Variants in PLRG1 observed in about 807,000 individuals in gnomAD.
PLRG1 encodes pleiotropic regulator 1, also known as pleiotropic regulator 1 (PRL1 homolog, Arabidopsis).
A neutral mutation model predicts 74.9 loss-of-function variants in PLRG1; 28 were observed. The ratio of observed to expected loss-of-function variants is 0.37; its 90% CI spans 0.28 to 0.51. The LOEUF is 0.51. Ranked by LOEUF, PLRG1 falls within the 20% of genes least tolerant of loss-of-function variation. PLRG1 has a pLI of 0.91. For synonymous variants in PLRG1, 197 were observed against 212.4 expected, an observed-to-expected ratio of 0.93 and a Z score of 0.63; for missense variants, 445 against 631.9, an observed-to-expected ratio of 0.70 and a Z score of 3.17.
At chr4:154,540,197 AT>A (rs1729530261) in intron 10 of PLRG1, 144 bp from the exon 11 acceptor site, 7 of 607,694 alleles carry the variant, frequency 1.2e-5, no homozygotes, top group Non-Finnish European at 2.0e-5. Flanking sequence ...AAAGATAATG[AT>A]TTACAAACTG....
Position 154,540,444 on chromosome 4 carries a change from G to C in PLRG1, c.939+150C>G, listed in dbSNP as rs111786959. 2,436 of 623,686 alleles carry C rather than the reference G, an allele frequency of 3.9e-3. 11 individuals carry two copies. Among genetic ancestry groups the C allele is most frequent in the Non-Finnish European group, 6.1e-3 (2,160 of 352,066 alleles). 38.6% of individuals were successfully genotyped at this position (623,686 alleles called of 1,614,324 possible). A position where few individuals can be genotyped will look rare whatever the true frequency, so the allele number is the denominator to read the frequency against. ...ACTGAAGACTAAGGTGGAAAAAAATGCAAGTTAAGAAACTTAGGGACTAGG... is the reference window on the plus strand; with the variant it reads ...ACTGAAGACTAAGGTGGAAAAAAATCCAAGTTAAGAAACTTAGGGACTAGG... On this transcript the variant is annotated intron_variant, in intron 10 of 14. Transcript: ENST00000499023.
At position 154,545,827 on chromosome 4, in the gene PLRG1, A is replaced by C; in HGVS notation, c.492+9T>G. On this transcript the variant is annotated intron_variant, in intron 6 of 14. Transcript: ENST00000499023. ...TTAGAAACCTGCTATTTGATGCAGA[A>C]AAACTTACTGAATTCATCGCTGTAG... 1 of 1,565,546 alleles carries C rather than the reference A, an allele frequency of 6.4e-7. No individual in the cohort carries two copies. The highest frequency in any genetic ancestry group is 8.7e-7 in the Non-Finnish European group (1 of 1,144,942).
At chr4:154,537,865 TA>T in intron 13 of PLRG1, 103 bp downstream of exon 13, 1 of 656,076 alleles carries the variant, frequency 1.5e-6, no homozygotes, top group Admixed American at 2.7e-5. Context: ...CAAGTGCTGC[TA>T]TAATACTTAA....
chr4:154,550,384 C>CT lies in PLRG1; in HGVS notation c.-77_-76insA. Reference sequence around the variant, plus strand: ...CGCAGTACCCGCCGCCACAGCTGTGCAGCACCTTCCGGAATTGGGCGCCCA... The same window carrying CT: ...CGCAGTACCCGCCGCCACAGCTGTGCTAGCACCTTCCGGAATTGGGCGCCCA... On this transcript the variant is annotated 5_prime_UTR_variant, in exon 1 of 15. Transcript: ENST00000499023. 7.0e-7 allele frequency: 1 copy of CT among 1,422,152 alleles called. No individual in the cohort carries two copies. Among genetic ancestry groups the CT allele is most frequent in the Non-Finnish European group, 9.9e-7 (1 of 1,006,654 alleles). The allele number at this position is 1,422,152 out of a possible 1,614,324, so 88.1% of individuals were successfully genotyped here.
rs1729526451 is a variant in PLRG1 at position 154,539,988 on chromosome 4, T to C, written c.1005A>G (p.Thr335=). 3 of 1,599,994 alleles carry C rather than the reference T, an allele frequency of 1.9e-6. No individual in the cohort carries two copies. The East Asian group carries it at 6.7e-5, about 36-fold the overall frequency. Residue 335 remains threonine (T), a synonymous_variant, in exon 11 of 15, where the codon ACA becomes ACG. Transcript: ENST00000499023. ...TLSGHTNAVA[T]VRCQAAEPQI... is the part of the protein sequence containing the mutation. ...GTGGTTCTGCAGCCTGACATCTCAC[T>C]GTAGCAACTGCATTTGTATGTCCAG...
In PLRG1 at chr4:154,547,016, C is replaced by T; in HGVS notation, c.308G>A (p.Gly103Glu). 2 of 1,608,358 alleles carry T rather than the reference C, an allele frequency of 1.2e-6. No individual in the cohort carries two copies. The highest frequency in any genetic ancestry group is 1.1e-5 in the South Asian group (1 of 90,924). ...ATATATAACAGCTCACTAACCAGGT[C>T]CTGGTGGGTATGGATGTGTACCTGC... The part of the protein sequence containing the change: ...FVAGTHPYPP[G>E]PGVALTADTK... The change falls in exon 4 of 15, where the codon GGA (glycine) becomes GAA (glutamate). Residue 103 changes from glycine (G) to glutamate (E), a missense_variant. Coordinates refer to ENST00000499023, the MANE Select transcript of PLRG1 (RefSeq NM_002669.4).
chr4:154,549,964 G>C (rs1042185976), intron 1 of PLRG1, among the ~76,000 whole-genome samples: 8 of 152,210 alleles, frequency 5.3e-5, no homozygotes, highest in Non-Finnish European at 1.2e-4. Flanking sequence ...TTAGGGCACA[G>C]ACTCACTGAC....
At chr4:154,540,189 A>G in intron 10 of PLRG1, 136 bp from the exon 11 acceptor site, 1 of 614,852 alleles carries the variant, frequency 1.6e-6, no homozygotes, top group Non-Finnish European at 2.9e-6. Context: ...CTTAAGTGAA[A>G]GATAATGATT....
intron 6 of PLRG1, among the ~76,000 whole-genome samples, chr4:154,545,376 T>C (rs1358885354): frequency 1.3e-5 from 2 of 152,184 alleles, no homozygotes; most frequent in African/African-American, 4.8e-5. Context: ...ATTTCTACCA[T>C]ACTAATACCA....
chr4:154,549,763 T>A, intron 1 of PLRG1: 1 of 456,422 alleles, frequency 2.2e-6, no homozygotes, highest in Non-Finnish European at 4.4e-6. Flanking sequence ...TTGGTCTCAA[T>A]TAAGGTGGAC....
intron 1 of PLRG1, chr4:154,549,840 T>C: frequency 2.2e-6 from 1 of 452,120 alleles, no homozygotes; most frequent in Non-Finnish European, 4.4e-6. Context: ...CAAGACCAGC[T>C]AACAGCGTTG....
chr4:154,546,408 C>G, intron 4 of PLRG1, 195 bp from the exon 5 acceptor site: 1 of 560,162 alleles, frequency 1.8e-6, no homozygotes, highest in East Asian at 3.1e-5. Context: ...ACACGTAACT[C>G]AAATTTGATT....
intron 4 of PLRG1, chr4:154,546,572 C>T (rs1729659855): frequency 3.4e-6 from 1 of 290,654 alleles, no homozygotes; most frequent in Non-Finnish European, 6.5e-6. Context: ...CTAGAAACAC[C>T]CAATTTCCCT....
intron 12 of PLRG1, 55 bp from the exon 13 acceptor site, chr4:154,538,163 G>A: frequency 2.0e-6 from 2 of 998,088 alleles, no homozygotes; most frequent in East Asian, 2.6e-5. Flanking sequence ...AAATAAAGTG[G>A]TGGGTTTTAA....
Position 154,539,084 on chromosome 4 carries a change from TAATTAGGAA to T in PLRG1, c.1151+12_1151+20del. Reference sequence around the variant, plus strand: ...TAAGAACTGAAGAAAAACAAGAAGCTAATTAGGAAAATACACTTACTGTCTTGGATGTAA... The same window carrying T: ...TAAGAACTGAAGAAAAACAAGAAGCTAATACACTTACTGTCTTGGATGTAA... On this transcript the variant is annotated intron_variant, in intron 12 of 14. Coordinates refer to ENST00000499023, the MANE Select transcript of PLRG1 (RefSeq NM_002669.4). The T allele has an allele frequency of 7.6e-7, 1 of 1,323,472 alleles. No homozygotes were observed. The highest frequency in any genetic ancestry group is 2.3e-5 in the East Asian group (1 of 43,502). 82.0% of individuals were successfully genotyped at this position (1,323,472 alleles called of 1,614,324 possible).
In PLRG1 at chr4:154,550,382, T is replaced by TG. The variant is rs1729744291; in HGVS notation, c.-75dup. ...AACGCAGTACCCGCCGCCACAGCTG[T>TG]GCAGCACCTTCCGGAATTGGGCGCC... On this transcript the variant is annotated 5_prime_UTR_variant, in exon 1 of 15. Coordinates refer to ENST00000499023, the MANE Select transcript of PLRG1 (RefSeq NM_002669.4). 2.1e-6 allele frequency: 3 copies of TG among 1,427,094 alleles called. No individual in the cohort carries two copies. The African/African-American group carries it at 4.3e-5, about 20-fold the overall frequency. 88.4% of individuals were successfully genotyped at this position (1,427,094 alleles called of 1,614,324 possible).
At chr4:154,546,482 G>A in intron 4 of PLRG1, 3 of 398,752 alleles carry the variant, frequency 7.5e-6, no homozygotes, top group South Asian at 3.1e-5. Flanking sequence ...ATTATATTTG[G>A]GTATTAGTTT....
Position 154,535,594 on chromosome 4 carries a change from A to G in PLRG1, c.*1091T>C, listed in dbSNP as rs1014536153. On this transcript the variant is annotated 3_prime_UTR_variant, in exon 15 of 15. Coordinates refer to ENST00000499023, the MANE Select transcript of PLRG1 (RefSeq NM_002669.4). Reference sequence around the variant, plus strand: ...AAAATTTAAAAAATTGACTGTTCTTATAACTGTGTTTTCTAATTATAGAAG... The same window carrying G: ...AAAATTTAAAAAATTGACTGTTCTTGTAACTGTGTTTTCTAATTATAGAAG... 8 of 151,604 alleles carry G rather than the reference A, an allele frequency of 5.3e-5. No individual in the cohort carries two copies. The highest frequency in any genetic ancestry group is 1.7e-4 in the African/African-American group (7 of 41,270). 9.4% of individuals were successfully genotyped at this position (151,604 alleles called of 1,614,324 possible).
intron 6 of PLRG1, 36 bp from the exon 7 acceptor site, chr4:154,544,582 A>G: frequency 3.5e-6 from 4 of 1,144,152 alleles, no homozygotes; most frequent in Non-Finnish European, 5.3e-6. Flanking sequence ...TATTAAAGAC[A>G]TCATACCTAA....
Sources: allele counts gnomAD v4.1 joint callset (sites outside exome capture counted in the v4.1 genomes callset), GRCh38; gene constraint gnomAD v4.1.1; transcripts MANE v1.5; gene names NCBI Gene and HGNC (gene_info 2026-07-23, HGNC 2026-07-21).